Variants in FANCL observed in about 807,000 individuals in gnomAD.
FANCL encodes E3 ubiquitin-protein ligase FANCL.
FANCL carries 69 observed loss-of-function variants against 59.4 expected under a neutral mutation model. That is an observed-to-expected ratio of 1.16 (90% confidence interval 0.96 to 1.42). The LOEUF is 1.42. Ranked by LOEUF, FANCL falls within the 40% of genes most tolerant of loss-of-function variation. The probability of loss-of-function intolerance (pLI) is 0.00; values close to 1 mark genes in which losing one functional copy is unlikely to be tolerated. For missense variants in FANCL, 519 were observed against 447.2 expected (o/e 1.16, Z -1.45); for synonymous variants, 180 against 147.1 (o/e 1.22, Z -1.62).
chr2:58,174,654 T>C (rs143640170), intron 7 of FANCL, among the ~76,000 whole-genome samples: 1,647 of 151,512 alleles, frequency 0.011, 41 homozygotes, highest in African/African-American at 0.038. Flanking sequence ...TAGAGGGAAA[T>C]TTATAGCACT....
intron 7 of FANCL, among the ~76,000 whole-genome samples, chr2:58,168,963 A>G (rs1204894821): frequency 1.3e-5 from 2 of 152,150 alleles, no homozygotes; most frequent in East Asian, 1.9e-4. Flanking sequence ...AGGCTTATAG[A>G]TAAAACTCCC....
Position 58,191,444 on chromosome 2 carries a change from A to G in FANCL, c.540+7150T>C, listed in dbSNP as rs548109262. Among the ~76,000 whole-genome samples the G allele has an allele frequency of 9.9e-5, 15 of 151,892 alleles. No individual in the cohort carries two copies. In the South Asian group the frequency reaches 3.1e-3, roughly 32 times the overall value. On this transcript the variant is annotated intron_variant, in intron 7 of 13. Coordinates refer to ENST00000233741, the MANE Select transcript of FANCL (RefSeq NM_018062.4). The stretch of plus-strand genomic sequence containing the variant: ...TCAAAGTACTCACAATATATTAACC[A>G]ATAAAACTGTGAAACCAAACAGTAT...
chr2:58,207,420 C>A (rs1690697090), intron 5 of FANCL, among the ~76,000 whole-genome samples: 1 of 152,128 alleles, frequency 6.6e-6, no homozygotes, highest in Non-Finnish European at 1.5e-5. Flanking sequence ...TGTCAATAGC[C>A]ACACATGGCT....
In FANCL at chr2:58,163,062, A is replaced by C; in HGVS notation, c.788T>G (p.Leu263Arg). Residue 263 changes from leucine (L) to arginine (R), a missense_variant, in exon 10 of 14, where the codon CTG becomes CGG. Transcript: ENST00000233741. Reference protein sequence around the residue: ...FLGADHVVKPLGIKLSRNIHL... With the variant: ...FLGADHVVKPRGIKLSRNIHL... ...TATGTTCCTGCTCAGCTTAATTCCC[A>C]GGGGTTTTACCACTTCAGATTAAAA... 6.2e-7 allele frequency: 1 copy of C among 1,612,146 alleles called. No individual in the cohort carries two copies. Among genetic ancestry groups the C allele is most frequent in the South Asian group, 1.1e-5 (1 of 90,980 alleles).
At chr2:58,173,947 C>T (rs1464382381) in intron 7 of FANCL, among the ~76,000 whole-genome samples, 1 of 151,842 alleles carries the variant, frequency 6.6e-6, no homozygotes, top group Non-Finnish European at 1.5e-5. Flanking sequence ...GGAAGATCTA[C>T]CAAGCAAATG....
intron 3 of FANCL, among the ~76,000 whole-genome samples, chr2:58,228,737 AAAG>A (rs1220322603): frequency 6.6e-6 from 1 of 152,216 alleles, no homozygotes; most frequent in Non-Finnish European, 1.5e-5. Context: ...TGTAAAATAA[AAAG>A]AAGACTTTAA....
chr2:58,173,368 G>C (rs1369258748), intron 7 of FANCL, among the ~76,000 whole-genome samples: 3 of 152,160 alleles, frequency 2.0e-5, no homozygotes, highest in African/African-American at 7.2e-5. Context: ...AGGAAAAAAT[G>C]TTAAGGGCAG....
intron 5 of FANCL, among the ~76,000 whole-genome samples, chr2:58,219,568 C>T (rs1001313139): frequency 9.9e-5 from 15 of 151,944 alleles, no homozygotes; most frequent in Non-Finnish European, 1.8e-4. Context: ...AATACTACCT[C>T]ACCAGGTAAT....
At chr2:58,209,965 A>G (rs1408233532) in intron 5 of FANCL, among the ~76,000 whole-genome samples, 3 of 152,188 alleles carry the variant, frequency 2.0e-5, no homozygotes, top group Non-Finnish European at 4.4e-5. Flanking sequence ...CATCAGATTT[A>G]GTAAAACTCA....
At chr2:58,162,646 T>C (rs1446527156) in intron 11 of FANCL, among the ~76,000 whole-genome samples, 1 of 151,914 alleles carries the variant, frequency 6.6e-6, no homozygotes, top group African/African-American at 2.4e-5. Flanking sequence ...CTGTGGATTT[T>C]TGTATCCATG....
chr2:58,173,456 G>T (rs1230476958), intron 7 of FANCL, among the ~76,000 whole-genome samples: 3 of 152,150 alleles, frequency 2.0e-5, no homozygotes, highest in Admixed American at 2.0e-4. Flanking sequence ...AACTCTACAA[G>T]CCAGAAGAGA....
chr2:58,229,924 A>G (rs1308740534), intron 2 of FANCL, 50 bp from the exon 3 acceptor site: 1 of 1,306,298 alleles, frequency 7.7e-7, no homozygotes, highest in East Asian at 2.3e-5. Flanking sequence ...AGAATTAAAA[A>G]CTTATTTGTA....
chr2:58,182,679 T>C (rs567504675), intron 7 of FANCL, among the ~76,000 whole-genome samples: 2 of 151,780 alleles, frequency 1.3e-5, no homozygotes, highest in South Asian at 4.2e-4. Context: ...AAGAATGCAA[T>C]CCTCACTTAC....
At chr2:58,183,793 A>G (rs1331440053) in intron 7 of FANCL, among the ~76,000 whole-genome samples, 1 of 151,944 alleles carries the variant, frequency 6.6e-6, no homozygotes, top group Non-Finnish European at 1.5e-5. Context: ...AAATACATTA[A>G]AGTTGATTCA....
chr2:58,191,698 T>C (rs1012661086), intron 7 of FANCL, among the ~76,000 whole-genome samples: 3 of 151,896 alleles, frequency 2.0e-5, no homozygotes, highest in Non-Finnish European at 4.4e-5. Flanking sequence ...CTGACAGATA[T>C]GTGTGTATAA....
At chr2:58,195,259 C>T (rs1689315561) in intron 7 of FANCL, among the ~76,000 whole-genome samples, 1 of 152,110 alleles carries the variant, frequency 6.6e-6, no homozygotes, top group Non-Finnish European at 1.5e-5. Context: ...CTAAAAGACT[C>T]AGAGTTCACA....
At position 58,241,301 on chromosome 2, in the gene FANCL, C is replaced by T; in HGVS notation, c.13G>A (p.Glu5Lys). The T allele has an allele frequency of 1.9e-6, 3 of 1,614,196 alleles. No individual in the cohort carries two copies. Among genetic ancestry groups the T allele is most frequent in the Non-Finnish European group, 2.5e-6 (3 of 1,180,040 alleles). The change falls in exon 1 of 14, where the codon GAA (glutamate) becomes AAA (lysine). Residue 5 changes from glutamate (E) to lysine (K), a missense_variant. Coordinates refer to ENST00000233741, the MANE Select transcript of FANCL (RefSeq NM_018062.4). MAVT[E>K]ASLLRQCPLL... ...GGGCACTGGCGCAACAGGCTCGCTTCCGTCACCGCCATGGCTCGAAGTCCG... is the reference window on the plus strand; with the variant it reads ...GGGCACTGGCGCAACAGGCTCGCTTTCGTCACCGCCATGGCTCGAAGTCCG...
intron 7 of FANCL, among the ~76,000 whole-genome samples, chr2:58,192,721 C>T (rs1290683749): frequency 6.6e-6 from 1 of 151,564 alleles, no homozygotes; most frequent in Non-Finnish European, 1.5e-5. Context: ...GTAGATAATG[C>T]CTAAAACAAA....
At chr2:58,228,098 A>C (rs1397455295) in intron 3 of FANCL, among the ~76,000 whole-genome samples, 1 of 151,976 alleles carries the variant, frequency 6.6e-6, no homozygotes, top group Non-Finnish European at 1.5e-5. Context: ...CTTGACCTTA[A>C]AAACTACCTA....
Sources: gnomAD v4.1 joint callset for allele counts (sites outside exome capture counted in the v4.1 genomes callset) on GRCh38, gnomAD v4.1.1 for gene constraint, MANE v1.5 for transcripts, NCBI Gene and HGNC (gene_info 2026-07-23, HGNC 2026-07-21) for gene names.